SPOCK1: variants seen among roughly 807,000 people sequenced by gnomAD.
SPOCK1 encodes SPARC (osteonectin), cwcv and kazal like domains proteoglycan 1, also known as testican-1.
In SPOCK1, 23 loss-of-function variants were observed where a neutral mutation model predicts 55.3. The observed-to-expected ratio is 0.42, with a 90% CI of 0.30 to 0.59. SPOCK1 has a LOEUF of 0.59. Among genes scored for constraint, SPOCK1 ranks in the 20% least tolerant of loss-of-function variants. SPOCK1 has a pLI of 0.22. For missense variants in SPOCK1, 499 were observed against 552.5 expected (o/e 0.90, Z 0.97); for synonymous variants, 226 against 221.0 (o/e 1.02, Z -0.20).
At chr5:137,178,910 G>T (rs919204118) in intron 3 of SPOCK1, among the ~76,000 whole-genome samples, 57 of 152,278 alleles carry the variant, frequency 3.7e-4, no homozygotes, top group African/African-American at 1.3e-3. Context: ...TTAATAAATG[G>T]CTAAGAATCC....
At chr5:137,477,699 C>A (rs1251755366) in intron 2 of SPOCK1, among the ~76,000 whole-genome samples, 1 of 152,130 alleles carries the variant, frequency 6.6e-6, no homozygotes, top group Admixed American at 6.5e-5. Context: ...GGAATGATCA[C>A]ATTTGAGGGG....
At chr5:137,347,856 C>T (rs1403290218) in intron 2 of SPOCK1, among the ~76,000 whole-genome samples, 1 of 152,226 alleles carries the variant, frequency 6.6e-6, no homozygotes, top group Admixed American at 6.5e-5. Flanking sequence ...ATGCCCTACA[C>T]GTGCCCTTCC....
chr5:137,413,562 C>A (rs1302810442), intron 2 of SPOCK1, among the ~76,000 whole-genome samples: 1 of 152,174 alleles, frequency 6.6e-6, no homozygotes, highest in African/African-American at 2.4e-5. Context: ...CACATCTATT[C>A]CTTCACAGCT....
At chr5:137,478,277 T>C (rs971714263) in intron 2 of SPOCK1, among the ~76,000 whole-genome samples, 9 of 152,140 alleles carry the variant, frequency 5.9e-5, no homozygotes, top group African/African-American at 2.2e-4. Flanking sequence ...TTATTATTGC[T>C]AGAGCAAAGA....
At chr5:137,370,898 G>A (rs370328993) in intron 2 of SPOCK1, among the ~76,000 whole-genome samples, 8 of 152,278 alleles carry the variant, frequency 5.3e-5, no homozygotes, top group South Asian at 2.1e-4. Context: ...TGAATGCATC[G>A]TATAAAATCT....
At chr5:137,058,924 C>T (rs114421554) in intron 6 of SPOCK1, among the ~76,000 whole-genome samples, 5 of 152,076 alleles carry the variant, frequency 3.3e-5, no homozygotes, top group East Asian at 3.9e-4. Context: ...GGGACAGACA[C>T]GTAACAGAGG....
At chr5:137,403,054 C>T (rs898453526) in intron 2 of SPOCK1, among the ~76,000 whole-genome samples, 2 of 152,254 alleles carry the variant, frequency 1.3e-5, no homozygotes, top group East Asian at 1.9e-4. Flanking sequence ...ACCATCTAAA[C>T]TTGTCCCTTC....
intron 5 of SPOCK1, among the ~76,000 whole-genome samples, chr5:137,082,016 G>A (rs932896245): frequency 6.6e-6 from 1 of 152,210 alleles, no homozygotes; most frequent in African/African-American, 2.4e-5. Context: ...TGAAAGGAGA[G>A]CTGGCTAGGC....
chr5:137,426,382 C>T (rs892096326), intron 2 of SPOCK1, among the ~76,000 whole-genome samples: 3 of 152,196 alleles, frequency 2.0e-5, no homozygotes, highest in Non-Finnish European at 4.4e-5. Context: ...TGAACGCACA[C>T]CTTTTCAGGA....
chr5:137,151,664 T>G (rs1754321183), intron 3 of SPOCK1, among the ~76,000 whole-genome samples: 1 of 152,174 alleles, frequency 6.6e-6, no homozygotes, highest in African/African-American at 2.4e-5. Flanking sequence ...ATATATCCCA[T>G]GCCCCCTGAA....
At chr5:137,355,385 C>T (rs1750770135) in intron 2 of SPOCK1, among the ~76,000 whole-genome samples, 1 of 152,104 alleles carries the variant, frequency 6.6e-6, no homozygotes, top group African/African-American at 2.4e-5. Context: ...GGCAGGGTCT[C>T]ACTATGTTAC....
chr5:137,416,567 T>C (rs927702039), intron 2 of SPOCK1, among the ~76,000 whole-genome samples: 1 of 152,112 alleles, frequency 6.6e-6, no homozygotes, highest in African/African-American at 2.4e-5. Flanking sequence ...AGAAAACCTA[T>C]TGCTCTCCCC....
intron 6 of SPOCK1, among the ~76,000 whole-genome samples, chr5:137,043,116 G>C (rs1453010390): frequency 6.6e-6 from 1 of 152,050 alleles, no homozygotes; most frequent in Non-Finnish European, 1.5e-5. Flanking sequence ...TTCAAGAGTA[G>C]GTAAATAAAA....
At position 137,371,961 on chromosome 5, in the gene SPOCK1, C is replaced by T. The variant is rs1445429865; in HGVS notation, c.187-104906G>A. On this transcript the variant is annotated intron_variant, in intron 2 of 10. Coordinates refer to ENST00000394945, the MANE Select transcript of SPOCK1 (RefSeq NM_004598.4). ...TGAACCACATATATAATTTGAATTT[C>T]TGGCGGTCACACTAAAAAGCAAAAA... Among the ~76,000 whole-genome samples the T allele has an allele frequency of 3.3e-5, 5 of 152,210 alleles. 1 individual carries two copies. The highest frequency in any genetic ancestry group is 2.4e-5 in the African/African-American group (1 of 41,456).
intron 2 of SPOCK1, among the ~76,000 whole-genome samples, chr5:137,378,917 C>T (rs1751394954): frequency 6.6e-6 from 1 of 152,166 alleles, no homozygotes; most frequent in African/African-American, 2.4e-5. Context: ...TGGAGATAGC[C>T]ATGGAGCCAG....
At chr5:137,368,890 G>T (rs1047875542) in intron 2 of SPOCK1, among the ~76,000 whole-genome samples, 1 of 152,194 alleles carries the variant, frequency 6.6e-6, no homozygotes, top group African/African-American at 2.4e-5. Flanking sequence ...GTATTAATCT[G>T]CACAGAGCAG....
chr5:137,183,265 T>C (rs989325133), intron 3 of SPOCK1, among the ~76,000 whole-genome samples: 5 of 152,134 alleles, frequency 3.3e-5, no homozygotes, highest in Admixed American at 2.6e-4. Context: ...GGTCCGCACA[T>C]GGTATGAAGC....
chr5:137,152,584 C>G (rs1754338792), intron 3 of SPOCK1, among the ~76,000 whole-genome samples: 1 of 152,144 alleles, frequency 6.6e-6, no homozygotes, highest in African/African-American at 2.4e-5. Flanking sequence ...AGAAAGTCAT[C>G]TTTGGTTACT....
intron 3 of SPOCK1, among the ~76,000 whole-genome samples, chr5:137,192,878 T>A (rs1424025626): frequency 1.3e-5 from 2 of 152,188 alleles, no homozygotes; most frequent in Non-Finnish European, 2.9e-5. Context: ...CAGATCATAG[T>A]AAAAACATAC....
Sources: gnomAD v4.1 joint callset for allele counts (sites outside exome capture counted in the v4.1 genomes callset) on GRCh38, gnomAD v4.1.1 for gene constraint, MANE v1.5 for transcripts, NCBI Gene and HGNC (gene_info 2026-07-23, HGNC 2026-07-21) for gene names.